The following ABTB3 variants were observed in gnomAD, a reference collection of about 807,000 sequenced individuals.
The protein encoded by ABTB3 is ankyrin repeat and BTB domain containing 3.
the ABTB3 span, among the ~76,000 whole-genome samples, chr12:107,513,052 A>C: frequency 6.6e-6 from 1 of 152,220 alleles, no homozygotes; most frequent in Non-Finnish European, 1.5e-5. Context: ...GTCTCCTAAT[A>C]AATGTTGGAT....
the ABTB3 span, among the ~76,000 whole-genome samples, chr12:107,419,297 G>A: frequency 5.5e-4 from 84 of 152,282 alleles, no homozygotes; most frequent in East Asian, 9.3e-3. Flanking sequence ...ATCCCTCCAG[G>A]CACTGACCTG....
At chr12:107,600,141 T>G in the ABTB3 span, among the ~76,000 whole-genome samples, 1 of 152,300 alleles carries the variant, frequency 6.6e-6, no homozygotes, top group Non-Finnish European at 1.5e-5. Flanking sequence ...ACATGAAAGC[T>G]TACCTTTTGG....
the ABTB3 span, among the ~76,000 whole-genome samples, chr12:107,481,883 G>GTCTCTCTCTCTCTC: frequency 0.019 from 2,016 of 108,186 alleles, 86 homozygotes; most frequent in African/African-American, 0.026. Context: ...GAAATCAAGA[G>GTCTCTCTCTCTCTC]TCTCTCTCTC....
the ABTB3 span, among the ~76,000 whole-genome samples, chr12:107,395,451 CT>C: frequency 2.6e-5 from 4 of 152,212 alleles, no homozygotes; most frequent in African/African-American, 4.8e-5. Flanking sequence ...ATGAGTCCCC[CT>C]GGGCACTCCC....
At chr12:107,656,860 T>A in the ABTB3 span, among the ~76,000 whole-genome samples, 1 of 152,062 alleles carries the variant, frequency 6.6e-6, no homozygotes, top group East Asian at 1.9e-4. Context: ...AGGATTCATG[T>A]TGAAAGAATG....
chr12:107,465,888 C>T, the ABTB3 span, among the ~76,000 whole-genome samples: 29 of 152,296 alleles, frequency 1.9e-4, no homozygotes, highest in Non-Finnish European at 2.6e-4. Context: ...TCTCTGCGTT[C>T]GTACTGCCTC....
the ABTB3 span, among the ~76,000 whole-genome samples, chr12:107,507,100 A>T: frequency 6.6e-6 from 1 of 152,228 alleles, no homozygotes; most frequent in East Asian, 1.9e-4. Flanking sequence ...CTTCTGATGC[A>T]CCACATTATC....
the ABTB3 span, among the ~76,000 whole-genome samples, chr12:107,526,491 C>T: frequency 6.6e-6 from 1 of 152,128 alleles, no homozygotes; most frequent in Admixed American, 6.6e-5. Context: ...GACTAATTTG[C>T]TTTTGGTCCC....
chr12:107,602,743 T>C, the ABTB3 span, among the ~76,000 whole-genome samples: 5 of 152,170 alleles, frequency 3.3e-5, no homozygotes, highest in African/African-American at 4.8e-5. Flanking sequence ...CAGCTTGCAT[T>C]TGGCACTCAC....
At chr12:107,649,120 A>G in the ABTB3 span, 2 of 1,224,298 alleles carry the variant, frequency 1.6e-6, no homozygotes, top group Admixed American at 3.5e-5. Flanking sequence ...AGGTCTCAGG[A>G]ACTAAGCCTG....
At chr12:107,533,352 A>C in the ABTB3 span, among the ~76,000 whole-genome samples, 1 of 152,140 alleles carries the variant, frequency 6.6e-6, no homozygotes, top group African/African-American at 2.4e-5. Flanking sequence ...AAAAAGTAAG[A>C]CCCAGCTAGG....
the ABTB3 span, among the ~76,000 whole-genome samples, chr12:107,603,145 G>A: frequency 2.6e-5 from 4 of 152,188 alleles, no homozygotes; most frequent in Admixed American, 2.6e-4. Context: ...GGCCACGGAG[G>A]GACATGTTGG....
At chr12:107,645,542 C>G in the ABTB3 span, among the ~76,000 whole-genome samples, 56 of 152,242 alleles carry the variant, frequency 3.7e-4, 1 homozygote, top group African/African-American at 1.3e-3. Context: ...GGCACCTGGG[C>G]CCCCCGCTAA....
At chr12:107,586,151 G>A in the ABTB3 span, among the ~76,000 whole-genome samples, 89 of 152,276 alleles carry the variant, frequency 5.8e-4, 2 homozygotes, top group Non-Finnish European at 4.6e-4. Context: ...CGTTGCAGGG[G>A]CAGGGACAGG....
the ABTB3 span, among the ~76,000 whole-genome samples, chr12:107,433,870 AG>A: frequency 6.6e-6 from 1 of 152,340 alleles, no homozygotes; most frequent in South Asian, 2.1e-4. Context: ...GTCCAAGATC[AG>A]GGATCAGTCG....
chr12:107,564,458 C>T, the ABTB3 span, among the ~76,000 whole-genome samples: 1 of 152,216 alleles, frequency 6.6e-6, no homozygotes, highest in African/African-American at 2.4e-5. Context: ...CTGAGCATCT[C>T]TGTGAGCTAG....
the ABTB3 span, among the ~76,000 whole-genome samples, chr12:107,395,329 C>A: frequency 6.6e-6 from 1 of 152,278 alleles, no homozygotes; most frequent in Admixed American, 6.5e-5. Context: ...TGATCTTGGC[C>A]TCCCTGGTAA....
chr12:107,413,768 G>A, the ABTB3 span, among the ~76,000 whole-genome samples: 80 of 152,332 alleles, frequency 5.3e-4, no homozygotes, highest in East Asian at 8.7e-3. Context: ...CTCCTGCCCA[G>A]GCAATGCTGA....
At chr12:107,536,668 A>C in the ABTB3 span, among the ~76,000 whole-genome samples, 1 of 152,244 alleles carries the variant, frequency 6.6e-6, no homozygotes, top group African/African-American at 2.4e-5. Flanking sequence ...AATGCAAATC[A>C]AAACCACACT....
Sources: gnomAD v4.1 joint callset for allele counts (sites outside exome capture counted in the v4.1 genomes callset) on GRCh38, gnomAD v4.1.1 for gene constraint, MANE v1.5 for transcripts, NCBI Gene and HGNC (gene_info 2026-07-23, HGNC 2026-07-21) for gene names.